Variants in CNBD1 observed in about 807,000 individuals in gnomAD.
CNBD1 encodes cyclic nucleotide binding domain containing 1.
A neutral mutation model predicts 54.4 loss-of-function variants in CNBD1; 71 were observed. The ratio of observed to expected loss-of-function variants is 1.30; its 90% CI spans 1.08 to 1.59. The LOEUF (loss-of-function observed/expected upper bound fraction) is 1.59. CNBD1 is among the 40% of genes most tolerant of loss of function. The pLI, the probability that CNBD1 is intolerant of heterozygous loss-of-function variation, is 0.00. For synonymous variants in CNBD1, 182 were observed against 170.7 expected (o/e 1.07, Z -0.51); for missense variants, 659 against 518.0 (o/e 1.27, Z -2.64).
At chr8:87,404,651 C>T (rs75821593) in intron 2 of CNBD1, among the ~76,000 whole-genome samples, 1 of 151,954 alleles carries the variant, frequency 6.6e-6, no homozygotes, top group African/African-American at 2.4e-5. Context: ...ATCTGTAGTA[C>T]CCACAGTGTA....
At chr8:87,184,248 G>A (rs1197652276) in intron 4 of CNBD1, among the ~76,000 whole-genome samples, 2 of 152,160 alleles carry the variant, frequency 1.3e-5, no homozygotes, top group Admixed American at 6.5e-5. Context: ...CATGGCTGAC[G>A]GCAAACTTTT....
chr8:87,116,965 C>T (rs562583061), intron 4 of CNBD1, among the ~76,000 whole-genome samples: 2 of 151,852 alleles, frequency 1.3e-5, no homozygotes, highest in Non-Finnish European at 2.9e-5. Flanking sequence ...TTTTTCTTAC[C>T]AGAACTTTTG....
At chr8:87,422,755 G>C in intron 2 of CNBD1, among the ~76,000 whole-genome samples, 2 of 152,150 alleles carry the variant, frequency 1.3e-5, no homozygotes, top group South Asian at 4.2e-4. Context: ...TTGACGATGC[G>C]GGCTCTTTTT....
intron 8 of CNBD1, among the ~76,000 whole-genome samples, chr8:87,305,603 G>A (rs530032982): frequency 6.6e-6 from 1 of 152,046 alleles, no homozygotes; most frequent in East Asian, 1.9e-4. Context: ...ATAAACCCAA[G>A]TACTTACAGC....
downstream of CNBD1, among the ~76,000 whole-genome samples, chr8:87,387,151 A>T (rs183838097): frequency 2.0e-5 from 3 of 152,240 alleles, no homozygotes; most frequent in Non-Finnish European, 4.4e-5. Flanking sequence ...CTGCGAAAAC[A>T]TGCCAAATTG....
chr8:87,268,295 A>G (rs969202484), intron 6 of CNBD1, among the ~76,000 whole-genome samples: 7 of 152,040 alleles, frequency 4.6e-5, no homozygotes, highest in Admixed American at 3.3e-4. Context: ...GTTCTTTTGT[A>G]TGGTTTTGTG....
intron 4 of CNBD1, among the ~76,000 whole-genome samples, chr8:86,987,597 G>A (rs1161189928): frequency 6.6e-6 from 1 of 152,050 alleles, no homozygotes; most frequent in Non-Finnish European, 1.5e-5. Flanking sequence ...AAGAGAAATG[G>A]TTTCAGTTTT....
chr8:87,266,368 G>A lies in CNBD1; in HGVS notation c.772-18310G>A, dbSNP rs145050796. Among the ~76,000 whole-genome samples the A allele has an allele frequency of 1.2e-3, 159 of 137,048 alleles. 2 individuals are homozygous for A. Among genetic ancestry groups the A allele is most frequent in the African/African-American group, 4.0e-3 (149 of 36,986 alleles). 89.9% of individuals were successfully genotyped at this position (137,048 alleles called of 152,430 possible). ...ATAATAATTAATACTGGGCACTAGC[G>A]ACTGATAGGTAAGCACACTGATATG... On this transcript the variant is annotated intron_variant, in intron 6 of 10. Coordinates refer to ENST00000518476, the MANE Select transcript of CNBD1 (RefSeq NM_173538.3).
intron 1 of CNBD1, among the ~76,000 whole-genome samples, chr8:86,878,219 A>G (rs533917300): frequency 6.6e-6 from 1 of 150,948 alleles, no homozygotes; most frequent in East Asian, 1.9e-4. Context: ...TTGCTATTAT[A>G]AATTAATCAT....
At chr8:87,371,160 G>A (rs1471885234) in intron 10 of CNBD1, among the ~76,000 whole-genome samples, 1 of 151,784 alleles carries the variant, frequency 6.6e-6, no homozygotes, top group Non-Finnish European at 1.5e-5. Context: ...GTCAGGTAGT[G>A]TGATGCCTCC....
chr8:87,387,786 A>C (rs1811221764), downstream of CNBD1, among the ~76,000 whole-genome samples: 1 of 152,234 alleles, frequency 6.6e-6, no homozygotes, highest in Admixed American at 6.5e-5. Context: ...TCTCCATCCC[A>C]AATCAGCAGA....
At chr8:87,307,333 A>T (rs1309200863) in intron 8 of CNBD1, among the ~76,000 whole-genome samples, 2 of 152,226 alleles carry the variant, frequency 1.3e-5, no homozygotes, top group Non-Finnish European at 2.9e-5. Context: ...CACTAGCTAC[A>T]GGTATTTAAT....
intron 4 of CNBD1, among the ~76,000 whole-genome samples, chr8:87,106,835 T>C (rs72665018): frequency 0.066 from 10,054 of 152,194 alleles, 447 homozygotes; most frequent in Non-Finnish European, 0.097. Context: ...TTTATTTATT[T>C]ATTTTTTATT....
intron 4 of CNBD1, among the ~76,000 whole-genome samples, chr8:87,002,939 T>A (rs1047202078): frequency 1.3e-5 from 2 of 152,152 alleles, no homozygotes; most frequent in African/African-American, 4.8e-5. Context: ...TATTGACTAT[T>A]TTAGGTAATT....
intron 8 of CNBD1, among the ~76,000 whole-genome samples, chr8:87,298,267 T>G (rs1300544367): frequency 1.3e-5 from 2 of 152,010 alleles, no homozygotes; most frequent in Non-Finnish European, 2.9e-5. Context: ...AGATTCATGG[T>G]ATCATAAATT....
At chr8:87,278,766 G>A (rs7820165) in intron 6 of CNBD1, among the ~76,000 whole-genome samples, 42,593 of 151,238 alleles carry the variant, frequency 0.28, 6,451 homozygotes, top group African/African-American at 0.39. Context: ...ATAAATCTAA[G>A]TATTAGCTGA....
intron 4 of CNBD1, among the ~76,000 whole-genome samples, chr8:87,070,311 C>A (rs544757609): frequency 5.3e-5 from 8 of 152,040 alleles, no homozygotes; most frequent in African/African-American, 9.6e-5. Flanking sequence ...TTTTTTGGGT[C>A]TTATTTTTGT....
intron 4 of CNBD1, among the ~76,000 whole-genome samples, chr8:87,168,654 T>C (rs1318832462): frequency 1.3e-5 from 2 of 152,048 alleles, no homozygotes; most frequent in Non-Finnish European, 2.9e-5. Context: ...TTTTGATTTT[T>C]AGCTCCCACA....
chr8:87,280,688 A>G (rs889670811), intron 6 of CNBD1, among the ~76,000 whole-genome samples: 3 of 151,626 alleles, frequency 2.0e-5, no homozygotes, highest in African/African-American at 7.2e-5. Context: ...TTGTATTTTT[A>G]TAAAATGCAG....
Sources: gnomAD v4.1 joint callset for allele counts (sites outside exome capture counted in the v4.1 genomes callset) on GRCh38, gnomAD v4.1.1 for gene constraint, MANE v1.5 for transcripts, NCBI Gene and HGNC (gene_info 2026-07-23, HGNC 2026-07-21) for gene names.